Variants in AGMO observed in about 807,000 individuals in gnomAD.
AGMO encodes the protein alkylglycerol monooxygenase.
In AGMO, 75 loss-of-function variants were observed where a neutral mutation model predicts 60.2. That is an observed-to-expected ratio of 1.25 (90% CI 1.03 to 1.51). AGMO has a LOEUF of 1.51. AGMO is among the 40% of genes most tolerant of loss of function. The pLI is 0.00. For missense variants in AGMO, 763 were observed against 525.5 expected, an observed-to-expected ratio of 1.45 and a Z score of -4.42; for synonymous variants, 261 against 177.1, an observed-to-expected ratio of 1.47 and a Z score of -3.76.
At position 15,345,032 on chromosome 7, in the gene AGMO, C is replaced by G. The variant is rs137923501; in HGVS notation, c.1263+20482G>C. The stretch of plus-strand genomic sequence containing the variant: ...CGTTCAAGCCACTGTCACATCTTTC[C>G]ATGTTTACTAAAATATATTTTAATA... On this transcript the variant is annotated intron_variant, in intron 12 of 12. Transcript: ENST00000342526. 9.7e-3 allele frequency among the ~76,000 whole-genome samples: 1,473 copies of G among 152,212 alleles called. 14 individuals carry two copies. The highest frequency in any genetic ancestry group is 0.029 in the African/African-American group (1,207 of 41,548).
At chr7:15,216,975 C>T (rs1781760740) in intron 12 of AGMO, among the ~76,000 whole-genome samples, 1 of 152,000 alleles carries the variant, frequency 6.6e-6, no homozygotes. Flanking sequence ...TGTCCTAATT[C>T]ACAGACACAA....
intron 12 of AGMO, among the ~76,000 whole-genome samples, chr7:15,341,727 G>A (rs1285245175): frequency 6.6e-6 from 1 of 152,098 alleles, no homozygotes; most frequent in Admixed American, 6.6e-5. Flanking sequence ...AATTTATAAA[G>A]GAACAAGGTT....
At chr7:15,179,641 T>C in the AGMO span, among the ~76,000 whole-genome samples, 1 of 152,108 alleles carries the variant, frequency 6.6e-6, no homozygotes, top group Non-Finnish European at 1.5e-5. Flanking sequence ...TAACTCTACA[T>C]TTCTGGGGTC....
chr7:15,157,986 C>T, the AGMO span, among the ~76,000 whole-genome samples: 4 of 152,050 alleles, frequency 2.6e-5, no homozygotes, highest in Admixed American at 2.0e-4. Flanking sequence ...AGCAGGATCC[C>T]ATTTTTATTT....
chr7:15,385,476 T>C lies in AGMO; in HGVS notation c.1044A>G (p.Ala348=). 1.9e-6 allele frequency: 3 copies of C among 1,608,008 alleles called. No homozygotes were observed. The highest frequency in any genetic ancestry group is 2.6e-6 in the Non-Finnish European group (3 of 1,174,754). ...TATCTGCAAAGGTCTCTTCATAAAA[T>C]GCCAACATCAGAGCAAACTGTACAA... ...YTVVQFALML[A]FYEETFADTA... Residue 348 remains alanine, a synonymous_variant, in exon 10 of 13, where the codon GCA becomes GCG. Coordinates refer to ENST00000342526, the MANE Select transcript of AGMO (RefSeq NM_001004320.2).
At chr7:15,172,606 T>A in the AGMO span, among the ~76,000 whole-genome samples, 62,457 of 151,962 alleles carry the variant, frequency 0.41, 13,379 homozygotes, top group East Asian at 0.71. Context: ...ACTTTTTTTT[T>A]AATTGAAGTT....
chr7:15,394,329 C>G (rs1012192250), intron 5 of AGMO, 150 bp from the exon 6 acceptor site: 1 of 637,262 alleles, frequency 1.6e-6, no homozygotes, highest in African/African-American at 1.8e-5. Context: ...CCACTGAAAT[C>G]TGGAATTCAT....
chr7:15,369,868 ATATGT>A (rs1212258406), intron 10 of AGMO, among the ~76,000 whole-genome samples: 1 of 152,120 alleles, frequency 6.6e-6, no homozygotes, highest in Non-Finnish European at 1.5e-5. Context: ...TACATTGCTA[ATATGT>A]TATTTTGGGA....
intron 5 of AGMO, among the ~76,000 whole-genome samples, chr7:15,411,372 A>G (rs1354738550): frequency 6.6e-6 from 1 of 152,014 alleles, no homozygotes; most frequent in Non-Finnish European, 1.5e-5. Context: ...CTGAAGCACA[A>G]GAAGGTAAAG....
chr7:15,365,428 T>C, intron 12 of AGMO, 86 bp downstream of exon 12: 1 of 621,752 alleles, frequency 1.6e-6, no homozygotes, highest in South Asian at 2.3e-5. Flanking sequence ...TGGTCAGAAA[T>C]GAAGTAGAGA....
At chr7:15,511,831 C>T (rs1006627194) in intron 3 of AGMO, among the ~76,000 whole-genome samples, 2 of 151,928 alleles carry the variant, frequency 1.3e-5, no homozygotes, top group Non-Finnish European at 2.9e-5. Flanking sequence ...GAAATTTGGA[C>T]ACAGACATCC....
intron 12 of AGMO, among the ~76,000 whole-genome samples, chr7:15,304,599 A>G (rs1780555705): frequency 6.6e-6 from 1 of 152,046 alleles, no homozygotes; most frequent in African/African-American, 2.4e-5. Context: ...TTATTTATTC[A>G]GTTTCGTTAT....
chr7:15,354,276 A>C, intron 12 of AGMO, among the ~76,000 whole-genome samples: 1 of 135,310 alleles, frequency 7.4e-6, no homozygotes, highest in South Asian at 2.3e-4. Flanking sequence ...TGATAGATGT[A>C]TATCACGAAT....
intron 12 of AGMO, among the ~76,000 whole-genome samples, chr7:15,313,133 A>T (rs1780817283): frequency 6.6e-6 from 1 of 152,216 alleles, no homozygotes; most frequent in Admixed American, 6.5e-5. Flanking sequence ...GTGAGGCTAA[A>T]AATGAAAACA....
intron 12 of AGMO, among the ~76,000 whole-genome samples, chr7:15,322,601 T>C (rs1352170004): frequency 1.7e-5 from 1 of 57,382 alleles, no homozygotes; most frequent in Non-Finnish European, 2.8e-5. Context: ...TAAATATATA[T>C]AAATATATAT....
intron 12 of AGMO, among the ~76,000 whole-genome samples, chr7:15,244,107 G>A (rs917780034): frequency 7.9e-5 from 12 of 152,070 alleles, no homozygotes; most frequent in Admixed American, 5.2e-4. Flanking sequence ...ACAAAATGGT[G>A]TACATATGTT....
intron 12 of AGMO, among the ~76,000 whole-genome samples, chr7:15,216,017 G>C (rs1203764702): frequency 6.6e-6 from 1 of 152,038 alleles, no homozygotes; most frequent in Non-Finnish European, 1.5e-5. Flanking sequence ...CAAGCCATCT[G>C]AATAAATGAA....
the AGMO span, among the ~76,000 whole-genome samples, chr7:15,146,779 T>C: frequency 6.6e-6 from 1 of 152,168 alleles, no homozygotes; most frequent in South Asian, 2.1e-4. Flanking sequence ...TGCAGATTGC[T>C]CTAGTGCATT....
chr7:15,288,763 T>TG (rs1759342409), intron 12 of AGMO, among the ~76,000 whole-genome samples: 2 of 137,906 alleles, frequency 1.5e-5, no homozygotes, highest in African/African-American at 2.7e-5. Context: ...TAAATCATCC[T>TG]GAAAAAAAAA....
Sources: gnomAD v4.1 joint callset for allele counts (sites outside exome capture counted in the v4.1 genomes callset) on GRCh38, gnomAD v4.1.1 for gene constraint, MANE v1.5 for transcripts, NCBI Gene and HGNC (gene_info 2026-07-23, HGNC 2026-07-21) for gene names.